Variants in KCNK2 observed in about 807,000 individuals in gnomAD.
KCNK2 encodes potassium two pore domain channel subfamily K member 2, also known as potassium channel subfamily K member 2.
A neutral mutation model predicts 40.5 loss-of-function variants in KCNK2; 21 were observed. The observed-to-expected ratio is 0.52, with a 90% CI of 0.37 to 0.75. The LOEUF is 0.75. KCNK2 is among the 30% of genes least tolerant of loss of function. The pLI, the probability that KCNK2 is intolerant of heterozygous loss-of-function variation, is 0.00. For synonymous variants in KCNK2, 191 were observed against 202.2 expected, an observed-to-expected ratio of 0.94 and a Z score of 0.47; for missense variants, 399 against 531.6, an observed-to-expected ratio of 0.75 and a Z score of 2.45.
At chr1:215,007,121 G>GTGTA (rs1553254710) in intron 1 of KCNK2, among the ~76,000 whole-genome samples, 1 of 96,690 alleles carries the variant, frequency 1.0e-5, no homozygotes, top group Admixed American at 1.1e-4. Context: ...GTGTATATAT[G>GTGTA]TATATATATG....
intron 2 of KCNK2, among the ~76,000 whole-genome samples, chr1:215,109,139 T>TA (rs1351163987): frequency 6.9e-6 from 1 of 144,134 alleles, no homozygotes; most frequent in Non-Finnish European, 1.5e-5. Context: ...ATAGAATGTG[T>TA]AATGATTAAG....
At chr1:215,193,911 GT>G (rs1295186874) in intron 5 of KCNK2, among the ~76,000 whole-genome samples, 1 of 152,106 alleles carries the variant, frequency 6.6e-6, no homozygotes, top group African/African-American at 2.4e-5. Context: ...GCTATTCCAT[GT>G]TTTGATCCTC....
intron 6 of KCNK2, among the ~76,000 whole-genome samples, chr1:215,233,451 T>TAC (rs35194601): frequency 0.47 from 70,189 of 148,940 alleles, 17,943 homozygotes; most frequent in East Asian, 0.6. Flanking sequence ...TGTTTTTGAG[T>TAC]ACACACACAC....
intron 2 of KCNK2, among the ~76,000 whole-genome samples, chr1:215,102,641 T>A (rs1198746678): frequency 6.6e-6 from 1 of 152,040 alleles, no homozygotes; most frequent in Non-Finnish European, 1.5e-5. Flanking sequence ...CGTCACTCAT[T>A]TATTCTCCCA....
At chr1:215,088,246 G>A (rs1659539243) in intron 2 of KCNK2, among the ~76,000 whole-genome samples, 1 of 152,136 alleles carries the variant, frequency 6.6e-6, no homozygotes, top group Admixed American at 6.5e-5. Context: ...AGGCAGCATG[G>A]TGTAGCAGTA....
intron 6 of KCNK2, among the ~76,000 whole-genome samples, chr1:215,219,530 A>C (rs1394556653): frequency 6.6e-6 from 1 of 152,228 alleles, no homozygotes; most frequent in Non-Finnish European, 1.5e-5. Flanking sequence ...TAGCACAGGG[A>C]AAGCTCTTCT....
intron 2 of KCNK2, among the ~76,000 whole-genome samples, chr1:215,118,237 T>G (rs1020637591): frequency 6.6e-6 from 1 of 152,110 alleles, no homozygotes; most frequent in Non-Finnish European, 1.5e-5. Context: ...AGCCAGAGGT[T>G]AAGAATGAGA....
At chr1:215,096,693 CAT>C (rs1256244093) in intron 2 of KCNK2, among the ~76,000 whole-genome samples, 2 of 151,898 alleles carry the variant, frequency 1.3e-5, no homozygotes, top group Admixed American at 6.6e-5. Context: ...TTTGAATTCA[CAT>C]GTTTTGATAG....
At chr1:215,088,763 G>T (rs1330814428) in intron 2 of KCNK2, among the ~76,000 whole-genome samples, 1 of 152,116 alleles carries the variant, frequency 6.6e-6, no homozygotes, top group African/African-American at 2.4e-5. Context: ...CATTGTCTTT[G>T]AAATGGAAAC....
intron 3 of KCNK2, among the ~76,000 whole-genome samples, chr1:215,154,823 T>C (rs1405369573): frequency 6.6e-6 from 1 of 152,172 alleles, no homozygotes; most frequent in Non-Finnish European, 1.5e-5. Context: ...CCCAGCACCA[T>C]CTATTGAATA....
At chr1:215,191,274 G>C (rs1181743007) in intron 5 of KCNK2, among the ~76,000 whole-genome samples, 3 of 124,688 alleles carry the variant, frequency 2.4e-5, no homozygotes, top group Non-Finnish European at 3.6e-5. Context: ...ACAGAGTGAG[G>C]CTGCATCTCA....
At chr1:215,044,395 C>G (rs1657671151) in intron 1 of KCNK2, among the ~76,000 whole-genome samples, 1 of 152,068 alleles carries the variant, frequency 6.6e-6, no homozygotes, top group Non-Finnish European at 1.5e-5. Context: ...CTAGTAATGT[C>G]TCAATACTCC....
At chr1:215,143,838 C>G (rs773581371) in intron 3 of KCNK2, among the ~76,000 whole-genome samples, 10 of 152,118 alleles carry the variant, frequency 6.6e-5, no homozygotes, top group Non-Finnish European at 1.5e-4. Flanking sequence ...GGTTTAGGGA[C>G]TTAGTTCTAA....
At chr1:215,014,336 A>G (rs936512561) in intron 1 of KCNK2, among the ~76,000 whole-genome samples, 1 of 151,842 alleles carries the variant, frequency 6.6e-6, no homozygotes, top group Non-Finnish European at 1.5e-5. Context: ...GAATTTTTAC[A>G]TATATGTACA....
intron 2 of KCNK2, among the ~76,000 whole-genome samples, chr1:215,097,027 G>A (rs1030564066): frequency 1.3e-5 from 2 of 151,878 alleles, no homozygotes; most frequent in Non-Finnish European, 2.9e-5. Context: ...TTTCAGTCCT[G>A]CTTCCACATG....
chr1:215,078,905 G>T (rs1303603796), upstream of KCNK2, among the ~76,000 whole-genome samples: 1 of 152,172 alleles, frequency 6.6e-6, no homozygotes, highest in Non-Finnish European at 1.5e-5. Context: ...TCCTAGATAT[G>T]ATTGGAACTG....
chr1:215,132,519 C>G (rs967148387), intron 3 of KCNK2, among the ~76,000 whole-genome samples: 6 of 152,164 alleles, frequency 3.9e-5, no homozygotes, highest in Non-Finnish European at 8.8e-5. Flanking sequence ...ACTCTACAAT[C>G]TCATTGCATT....
intron 3 of KCNK2, 91 bp from the exon 4 acceptor site, chr1:215,169,108 C>T: frequency 1.1e-6 from 1 of 926,958 alleles, no homozygotes; most frequent in Non-Finnish European, 1.6e-6. Context: ...TTATTGATAT[C>T]TTGCAATTTT....
intron 2 of KCNK2, among the ~76,000 whole-genome samples, chr1:215,116,595 A>C (rs1660954795): frequency 6.6e-6 from 1 of 152,112 alleles, no homozygotes; most frequent in African/African-American, 2.4e-5. Context: ...AGTCTGTTTA[A>C]AAATAGCTTT....
Sources: gnomAD v4.1 joint callset for allele counts (sites outside exome capture counted in the v4.1 genomes callset) on GRCh38, gnomAD v4.1.1 for gene constraint, MANE v1.5 for transcripts, NCBI Gene and HGNC (gene_info 2026-07-23, HGNC 2026-07-21) for gene names.